HDAC9: variants seen among roughly 807,000 people sequenced by gnomAD.
HDAC9 encodes histone deacetylase 9.
A neutral mutation model predicts 139.4 loss-of-function variants in HDAC9; 41 were observed. That is an observed-to-expected ratio of 0.29 (90% CI 0.23 to 0.38). The LOEUF is 0.38. HDAC9 is among the 10% of genes least tolerant of loss of function. HDAC9 has a pLI of 1.00. For synonymous variants in HDAC9, 517 were observed against 476.2 expected (o/e 1.09, Z -1.12); for missense variants, 1,147 against 1,297.0 (o/e 0.88, Z 1.78).
intron 14 of HDAC9, among the ~76,000 whole-genome samples, chr7:18,751,228 G>T (rs1046647170): frequency 6.6e-6 from 1 of 152,094 alleles, no homozygotes; most frequent in African/African-American, 2.4e-5. Context: ...AACACAAGTT[G>T]AGATGTCAGA....
chr7:18,848,308 C>T (rs1222408784), intron 21 of HDAC9, among the ~76,000 whole-genome samples: 1 of 152,108 alleles, frequency 6.6e-6, no homozygotes, highest in Non-Finnish European at 1.5e-5. Flanking sequence ...GTATGTTTTT[C>T]ATTAGGCACT....
rs561206295 is a variant in HDAC9, at chr7:18,975,866, C to G, written c.3083C>G (p.Ala1028Gly). 1 of 1,613,838 alleles carries G rather than the reference C, an allele frequency of 6.2e-7. No homozygotes were observed. The highest frequency in any genetic ancestry group is 8.5e-7 in the Non-Finnish European group (1 of 1,179,796). ...CCAAGGGGCTGTGCTCTGGCTGGTG[C>G]TCAGTTGCAAGAGGAGACAGAGACC... ...AVPRGCALAGAQLQEETETVS... is the reference protein window; with the variant it reads ...AVPRGCALAGGQLQEETETVS... Residue 1028 changes from alanine to glycine, a missense_variant, in exon 25 of 26, where the codon GCT (alanine) becomes GGT (glycine). This residue lies in a region of HDAC9 where 407 missense variants were observed against 521.5 expected (regional missense o/e 0.78). Transcript: ENST00000686413.
intron 2 of HDAC9, among the ~76,000 whole-genome samples, chr7:18,227,802 A>G (rs1017243578): frequency 2.6e-5 from 4 of 152,072 alleles, no homozygotes; most frequent in Non-Finnish European, 5.9e-5. Context: ...TTTTCTCCTA[A>G]TATTTTGAGA....
intron 12 of HDAC9, among the ~76,000 whole-genome samples, chr7:18,718,752 G>T (rs890411540): frequency 3.3e-5 from 5 of 152,116 alleles, no homozygotes; most frequent in Admixed American, 6.5e-5. Context: ...AAGTTTTTAT[G>T]TGGAAGTATT....
At chr7:18,588,466 C>A (rs1360883609) in intron 3 of HDAC9, among the ~76,000 whole-genome samples, 1 of 151,958 alleles carries the variant, frequency 6.6e-6, no homozygotes, top group Non-Finnish European at 1.5e-5. Flanking sequence ...ATTTATATTT[C>A]ATATACACCT....
intron 2 of HDAC9, among the ~76,000 whole-genome samples, chr7:18,561,775 T>C (rs2128709375): frequency 6.6e-6 from 1 of 152,356 alleles, no homozygotes; most frequent in East Asian, 1.9e-4. Context: ...TGTAACTCAG[T>C]ACTTGTTTTT....
intron 2 of HDAC9, among the ~76,000 whole-genome samples, chr7:18,517,290 C>T (rs554634994): frequency 3.3e-5 from 5 of 152,222 alleles, no homozygotes; most frequent in East Asian, 3.9e-4. Context: ...TTCTTACAAA[C>T]GATAAAAGTT....
At chr7:18,429,769 A>G (rs1446048885) in intron 1 of HDAC9, among the ~76,000 whole-genome samples, 7 of 152,306 alleles carry the variant, frequency 4.6e-5, no homozygotes, top group Admixed American at 6.5e-5. Context: ...TCGAATTCCT[A>G]TGCTATTTAG....
At chr7:18,339,120 C>T (rs1034669015) in intron 1 of HDAC9, among the ~76,000 whole-genome samples, 1 of 151,244 alleles carries the variant, frequency 6.6e-6, no homozygotes, top group African/African-American at 2.4e-5. Flanking sequence ...ATTTCCATTC[C>T]TAATATTGGT....
At chr7:18,863,950 C>T (rs1563001140) in intron 21 of HDAC9, among the ~76,000 whole-genome samples, 2 of 152,170 alleles carry the variant, frequency 1.3e-5, no homozygotes, top group East Asian at 1.9e-4. Flanking sequence ...ACAAATATCT[C>T]TTTGAGATTC....
chr7:18,382,107 G>C (rs1322765813), intron 1 of HDAC9, among the ~76,000 whole-genome samples: 1 of 151,928 alleles, frequency 6.6e-6, no homozygotes, highest in Non-Finnish European at 1.5e-5. Flanking sequence ...GACCAAAGGA[G>C]AAAACCTACG....
chr7:18,140,971 G>A (rs1042940544), intron 1 of HDAC9, among the ~76,000 whole-genome samples: 2 of 150,232 alleles, frequency 1.3e-5, no homozygotes, highest in Non-Finnish European at 2.9e-5. Context: ...CCTTCATAAA[G>A]CTAAAATTCT....
chr7:18,955,117 A>G (rs1370589301), intron 24 of HDAC9, among the ~76,000 whole-genome samples: 1 of 152,188 alleles, frequency 6.6e-6, no homozygotes, highest in Non-Finnish European at 1.5e-5. Flanking sequence ...GTCATAACTG[A>G]AATAAACTAT....
chr7:18,730,528 G>A (rs987609315), intron 13 of HDAC9, among the ~76,000 whole-genome samples: 1 of 152,084 alleles, frequency 6.6e-6, no homozygotes, highest in South Asian at 2.1e-4. Flanking sequence ...CTGCATGGGG[G>A]CTATTCTAAG....
intron 2 of HDAC9, among the ~76,000 whole-genome samples, chr7:18,213,813 T>C (rs899385767): frequency 6.6e-6 from 1 of 152,148 alleles, no homozygotes; most frequent in African/African-American, 2.4e-5. Flanking sequence ...ATTCTGTGCT[T>C]TATTTCTTGA....
intron 2 of HDAC9, among the ~76,000 whole-genome samples, chr7:18,282,980 T>TTTTTTTTTTTTTTTTTTTTTTGAGACGG (rs1179585272): frequency 6.6e-6 from 1 of 151,368 alleles, no homozygotes; most frequent in African/African-American, 2.4e-5. Context: ...TTGAAATTTC[T>TTTTTTTTTTTTTTTTTTTTTTGAGACGG]ATCTCAATTT....
intron 22 of HDAC9, among the ~76,000 whole-genome samples, chr7:18,933,182 A>G (rs2389994): frequency 0.35 from 53,045 of 152,028 alleles, 9,876 homozygotes; most frequent in East Asian, 0.66. Flanking sequence ...AGTTCTGGTT[A>G]CTGTAAGTCT....
At chr7:18,982,108 G>A (rs1461051492) in intron 25 of HDAC9, among the ~76,000 whole-genome samples, 1 of 152,078 alleles carries the variant, frequency 6.6e-6, no homozygotes. Flanking sequence ...AATTTAAGAA[G>A]CCCTTACTTT....
chr7:18,086,893 G>GC (rs946872843), upstream of HDAC9: 22 of 143,564 alleles, frequency 1.5e-4, no homozygotes, highest in African/African-American at 2.3e-4. Flanking sequence ...GCCCTCCCGA[G>GC]CCCCCCCCGC....
Sources: allele counts gnomAD v4.1 joint callset (sites outside exome capture counted in the v4.1 genomes callset), GRCh38; gene constraint gnomAD v4.1.1; regional missense constraint gnomAD v4.1.1; transcripts MANE v1.5; gene names NCBI Gene and HGNC (gene_info 2026-07-23, HGNC 2026-07-21).